CEP112: variants seen among roughly 807,000 people sequenced by gnomAD.
CEP112 encodes centrosomal protein of 112 kDa.
A neutral mutation model predicts 153.0 loss-of-function variants in CEP112; 127 were observed. The observed-to-expected ratio is 0.83, with a 90% CI of 0.72 to 0.96. The LOEUF is 0.96. Among genes scored for constraint, CEP112 ranks in the 40% least tolerant of loss-of-function variants. The probability of loss-of-function intolerance (pLI) is 0.00; values close to 1 mark genes in which losing one functional copy is unlikely to be tolerated. For synonymous variants in CEP112, 358 were observed against 374.4 expected, an observed-to-expected ratio of 0.96 and a Z score of 0.51; for missense variants, 1,089 against 1,101.2, an observed-to-expected ratio of 0.99 and a Z score of 0.16.
rs1246223057 is a variant in CEP112, at chr17:66,053,844, CT to C, written c.1109del (p.Lys370SerfsTer23). On this transcript the variant is annotated frameshift_variant, in exon 12 of 27. Transcript: ENST00000535342. LOFTEE classifies it high-confidence loss of function. ...HNAVAEMEQE[K>X]FDLQKQHTEN... ...CAGTGTGTTGCTTTTGAAGATCAAA[CT>C]TTTCCTGTTCCATTTCTGCTACAGC... 3.1e-6 allele frequency: 5 copies of C among 1,613,292 alleles called. No individual in the cohort carries two copies. The East Asian group carries it at 1.1e-4, about 36-fold the overall frequency.
intron 18 of CEP112, among the ~76,000 whole-genome samples, chr17:65,950,870 G>A (rs1009535624): frequency 2.6e-5 from 4 of 152,062 alleles, no homozygotes; most frequent in Admixed American, 2.6e-4. Context: ...TAGCTGTGGA[G>A]TTTTCATAGA....
chr17:65,902,383 T>C, intron 19 of CEP112, 49 bp from the exon 20 acceptor site: 1 of 1,483,542 alleles, frequency 6.7e-7, no homozygotes, highest in Non-Finnish European at 9.2e-7. Context: ...ATCCTTGTCG[T>C]CATGACAACT....
At chr17:65,812,085 G>A (rs1018940015) in intron 21 of CEP112, among the ~76,000 whole-genome samples, 5 of 151,748 alleles carry the variant, frequency 3.3e-5, no homozygotes, top group East Asian at 1.9e-4. Context: ...CTTACTGCAA[G>A]CTCCACCTCC....
intron 18 of CEP112, among the ~76,000 whole-genome samples, chr17:65,948,654 C>A (rs908292992): frequency 4.6e-5 from 7 of 151,914 alleles, no homozygotes; most frequent in Admixed American, 3.9e-4. Flanking sequence ...ACATTTTACA[C>A]AGTTAGTTGC....
At chr17:66,187,675 G>A (rs554340079) in intron 1 of CEP112, among the ~76,000 whole-genome samples, 4 of 152,088 alleles carry the variant, frequency 2.6e-5, no homozygotes, top group East Asian at 1.9e-4. Context: ...TTTCACACTC[G>A]CATAGTGATT....
At chr17:65,647,427 C>A (rs1183844734) in intron 24 of CEP112, among the ~76,000 whole-genome samples, 1 of 150,922 alleles carries the variant, frequency 6.6e-6, no homozygotes, top group Non-Finnish European at 1.5e-5. Context: ...CCCACCTTGG[C>A]CTCCCAAAGT....
chr17:65,731,933 T>A (rs971611249), intron 23 of CEP112, among the ~76,000 whole-genome samples: 2 of 129,598 alleles, frequency 1.5e-5, no homozygotes, highest in Non-Finnish European at 3.7e-5. Context: ...TCAAAGTCAT[T>A]TGTGAAAGTT....
chr17:65,658,617 A>C (rs2046183756), intron 24 of CEP112, among the ~76,000 whole-genome samples: 2 of 152,154 alleles, frequency 1.3e-5, no homozygotes, highest in South Asian at 4.1e-4. Flanking sequence ...TCATAAGGAA[A>C]TATGCGAGTA....
At chr17:65,734,293 G>C (rs879857855) in intron 23 of CEP112, among the ~76,000 whole-genome samples, 3 of 152,178 alleles carry the variant, frequency 2.0e-5, no homozygotes, top group Non-Finnish European at 2.9e-5. Context: ...TGGGATCATA[G>C]AGAACATGGC....
chr17:66,094,314 C>T (rs1466463970), intron 8 of CEP112, among the ~76,000 whole-genome samples: 1 of 152,098 alleles, frequency 6.6e-6, no homozygotes, highest in Non-Finnish European at 1.5e-5. Flanking sequence ...CCCACCTCAG[C>T]CTCCCAAAGT....
chr17:66,054,001 G>A (rs1391672776), intron 11 of CEP112, 122 bp from the exon 12 acceptor site: 2 of 611,296 alleles, frequency 3.3e-6, no homozygotes. Flanking sequence ...AACACCAAAA[G>A]ATACAAAAAA....
intron 17 of CEP112, among the ~76,000 whole-genome samples, chr17:65,991,788 TA>T (rs1317305812): frequency 6.6e-6 from 1 of 152,114 alleles, no homozygotes; most frequent in Non-Finnish European, 1.5e-5. Context: ...TTTCTTGAGA[TA>T]TTTTTCACCA....
intron 4 of CEP112, among the ~76,000 whole-genome samples, chr17:66,157,069 A>T (rs754541107): frequency 2.6e-5 from 4 of 152,212 alleles, no homozygotes; most frequent in African/African-American, 4.8e-5. Flanking sequence ...CCCAAGACAC[A>T]TAATTGTCAG....
rs540710720 is a variant in CEP112 at position 66,157,948 on chromosome 17, A to C, written c.470+17096T>G. ...CCACACAAGAATAGTGGGAGACTTTAACAGCCCACTGTCAATATCAGCCAG... is the reference window on the plus strand; with the variant it reads ...CCACACAAGAATAGTGGGAGACTTTCACAGCCCACTGTCAATATCAGCCAG... On this transcript the variant is annotated intron_variant, in intron 4 of 26. Transcript: ENST00000535342. Among the ~76,000 whole-genome samples, 3 of 152,280 alleles carry C rather than the reference A, an allele frequency of 2.0e-5. No homozygotes were observed. The East Asian group carries it at 5.8e-4, about 29-fold the overall frequency.
At chr17:65,769,975 G>A (rs755423539) in intron 21 of CEP112, among the ~76,000 whole-genome samples, 4 of 151,910 alleles carry the variant, frequency 2.6e-5, no homozygotes, top group Non-Finnish European at 4.4e-5. Flanking sequence ...CAAGGAGTAA[G>A]TTTACTGAAT....
At chr17:65,865,800 C>A (rs536447355) in intron 20 of CEP112, among the ~76,000 whole-genome samples, 1 of 152,190 alleles carries the variant, frequency 6.6e-6, no homozygotes, top group Non-Finnish European at 1.5e-5. Flanking sequence ...CCCTGGAGCC[C>A]GCCACTCTGG....
intron 6 of CEP112, among the ~76,000 whole-genome samples, chr17:66,112,925 G>A (rs934139845): frequency 6.6e-6 from 1 of 151,530 alleles, no homozygotes; most frequent in Non-Finnish European, 1.5e-5. Context: ...CAGCCTGGGT[G>A]CCAGAGTGAA....
intron 11 of CEP112, among the ~76,000 whole-genome samples, chr17:66,057,603 T>C (rs763283521): frequency 3.9e-5 from 6 of 152,060 alleles, no homozygotes; most frequent in Non-Finnish European, 8.8e-5. Flanking sequence ...CACACACACA[T>C]ACATATATCA....
intron 21 of CEP112, chr17:65,826,352 A>G (rs2056840183): frequency 6.2e-7 from 1 of 1,607,452 alleles, no homozygotes; most frequent in African/African-American, 1.3e-5. Context: ...CCCTCAGTGC[A>G]GGCTGTAGGG....
Sources: gnomAD v4.1 joint callset for allele counts (sites outside exome capture counted in the v4.1 genomes callset) on GRCh38, gnomAD v4.1.1 for gene constraint, MANE v1.5 for transcripts, NCBI Gene and HGNC (gene_info 2026-07-23, HGNC 2026-07-21) for gene names.